The following EXOC4 variants were observed in gnomAD, a reference collection of about 807,000 sequenced individuals.
The protein encoded by EXOC4 is SEC8-like 1.
In EXOC4, 71 loss-of-function variants were observed where a neutral mutation model predicts 107.2. The ratio of observed to expected loss-of-function variants is 0.66; its 90% CI spans 0.55 to 0.81. The LOEUF is 0.81. Ranked by LOEUF, EXOC4 falls within the 30% of genes least tolerant of loss-of-function variation. The pLI is 0.00. For missense variants in EXOC4, 1,108 were observed against 1,189.6 expected (o/e 0.93, Z 1.01); for synonymous variants, 456 against 441.2 (o/e 1.03, Z -0.42).
the EXOC4 span, among the ~76,000 whole-genome samples, chr7:134,092,297 GA>G: frequency 6.6e-6 from 1 of 151,734 alleles, no homozygotes; most frequent in Non-Finnish European, 1.5e-5. Context: ...AAAATTTAAA[GA>G]AAAAAAGTCC....
chr7:133,871,615 T>C (rs1405163968), intron 11 of EXOC4, among the ~76,000 whole-genome samples: 1 of 152,130 alleles, frequency 6.6e-6, no homozygotes, highest in Non-Finnish European at 1.5e-5. Context: ...AATGATTCAG[T>C]CATTAATTTC....
chr7:134,099,996 T>C, the EXOC4 span, among the ~76,000 whole-genome samples: 14 of 152,152 alleles, frequency 9.2e-5, no homozygotes, highest in Non-Finnish European at 1.3e-4. Flanking sequence ...CATGAGCCAC[T>C]GCACCTGGCC....
intron 17 of EXOC4, among the ~76,000 whole-genome samples, chr7:134,017,991 A>G (rs955329579): frequency 5.9e-5 from 9 of 152,230 alleles, no homozygotes; most frequent in African/African-American, 1.9e-4. Flanking sequence ...AGCGAGTATT[A>G]TTATTATCCA....
intron 14 of EXOC4, among the ~76,000 whole-genome samples, chr7:133,994,520 A>G (rs1219709043): frequency 6.6e-6 from 1 of 152,124 alleles, no homozygotes; most frequent in African/African-American, 2.4e-5. Context: ...AGTAAGCTAA[A>G]ATAAAAATAA....
chr7:133,505,168 A>G (rs1799645110), intron 9 of EXOC4, among the ~76,000 whole-genome samples: 2 of 152,142 alleles, frequency 1.3e-5, no homozygotes, highest in Admixed American at 1.3e-4. Flanking sequence ...TGTCTTGAAT[A>G]AGTTAGGGGA....
chr7:133,283,643 C>T (rs1229288016), intron 2 of EXOC4, among the ~76,000 whole-genome samples: 3 of 152,050 alleles, frequency 2.0e-5, no homozygotes, highest in East Asian at 3.9e-4. Context: ...GTATAGTTTA[C>T]GTACAGTAAA....
chr7:133,462,009 CTT>C (rs1289252165), intron 7 of EXOC4, among the ~76,000 whole-genome samples: 1 of 152,028 alleles, frequency 6.6e-6, no homozygotes, highest in Non-Finnish European at 1.5e-5. Flanking sequence ...GGCATCATGG[CTT>C]TTTTACACAA....
At chr7:133,969,593 C>T (rs564355456) in intron 14 of EXOC4, among the ~76,000 whole-genome samples, 1 of 152,106 alleles carries the variant, frequency 6.6e-6, no homozygotes, top group Admixed American at 6.6e-5. Flanking sequence ...TCTAACAGGC[C>T]GCTCTGCTGT....
chr7:133,803,340 T>G (rs1018953490), intron 10 of EXOC4, among the ~76,000 whole-genome samples: 4 of 152,236 alleles, frequency 2.6e-5, no homozygotes, highest in Admixed American at 2.0e-4. Context: ...GGGCTTATAC[T>G]GGAGTTTTGT....
intron 10 of EXOC4, among the ~76,000 whole-genome samples, chr7:133,744,044 A>C (rs1196070552): frequency 6.6e-6 from 1 of 152,132 alleles, no homozygotes; most frequent in African/African-American, 2.4e-5. Flanking sequence ...AGTACTTTAT[A>C]AACTTTACAA....
intron 10 of EXOC4, chr7:133,768,302 T>G (rs1796178318): frequency 6.6e-6 from 1 of 151,964 alleles, no homozygotes; most frequent in Non-Finnish European, 1.5e-5. Flanking sequence ...GAATATAGAT[T>G]TTTTTAATTA....
intron 7 of EXOC4, among the ~76,000 whole-genome samples, chr7:133,458,531 T>C (rs1276382823): frequency 1.3e-5 from 2 of 152,176 alleles, no homozygotes; most frequent in Non-Finnish European, 2.9e-5. Context: ...GCAGAATTGA[T>C]TGAAAACGTG....
At chr7:133,253,211 C>T (rs768993984) in intron 1 of EXOC4, 24 bp downstream of exon 1, 28 of 1,607,738 alleles carry the variant, frequency 1.7e-5, no homozygotes, top group Non-Finnish European at 2.4e-5. Context: ...GAGGCAGGGT[C>T]TGGGGACTGG....
At chr7:133,411,127 C>T (rs1374184210) in intron 7 of EXOC4, among the ~76,000 whole-genome samples, 1 of 152,068 alleles carries the variant, frequency 6.6e-6, no homozygotes, top group African/African-American at 2.4e-5. Context: ...TAACTTTGGC[C>T]GCTTTTTTAA....
At chr7:133,695,090 G>A (rs1323424556) in intron 10 of EXOC4, among the ~76,000 whole-genome samples, 10 of 152,230 alleles carry the variant, frequency 6.6e-5, no homozygotes, top group South Asian at 2.1e-4. Flanking sequence ...CCAAAGTGCT[G>A]GAGTTACAGG....
rs767522057 is a variant in EXOC4, at chr7:133,938,078, C to G, written c.2206+9C>G. 6.2e-7 allele frequency: 1 copy of G among 1,613,950 alleles called. No homozygotes were observed. Among genetic ancestry groups the G allele is most frequent in the South Asian group, 1.1e-5 (1 of 91,062 alleles). ...TCTTTCTACATCCCAGAGTAAGTAT[C>G]TAGTAGGAAGCTGTTGTGGGGACAG... On this transcript the variant is annotated intron_variant, in intron 14 of 17. Coordinates refer to ENST00000253861, the MANE Select transcript of EXOC4 (RefSeq NM_021807.4).
intron 5 of EXOC4, among the ~76,000 whole-genome samples, chr7:133,336,848 C>T (rs1398438078): frequency 6.6e-6 from 1 of 152,040 alleles, no homozygotes; most frequent in South Asian, 2.1e-4. Context: ...ATTCTCCAGC[C>T]TCAGCCTCCA....
At chr7:133,260,134 C>G (rs901124488) in intron 1 of EXOC4, among the ~76,000 whole-genome samples, 1 of 152,152 alleles carries the variant, frequency 6.6e-6, no homozygotes, top group Non-Finnish European at 1.5e-5. Flanking sequence ...TTGTCAAAAA[C>G]CAATTTACTT....
chr7:133,523,047 G>A lies in EXOC4; in HGVS notation c.1417+42909G>A, dbSNP rs140902946. Among the ~76,000 whole-genome samples the A allele has an allele frequency of 1.4e-3, 207 of 152,186 alleles. 2 individuals are homozygous for A. The highest frequency in any genetic ancestry group is 3.9e-3 in the African/African-American group (162 of 41,532). ...GCCTGATGCCAGTAAGAAATACATCGAAAGCTGTAATATAATGATAACCAT... is the reference window on the plus strand; with the variant it reads ...GCCTGATGCCAGTAAGAAATACATCAAAAGCTGTAATATAATGATAACCAT... On this transcript the variant is annotated intron_variant, in intron 9 of 17. Transcript: ENST00000253861.
Sources: gnomAD v4.1 joint callset for allele counts (sites outside exome capture counted in the v4.1 genomes callset) on GRCh38, gnomAD v4.1.1 for gene constraint, MANE v1.5 for transcripts, NCBI Gene and HGNC (gene_info 2026-07-23, HGNC 2026-07-21) for gene names.